SLC71A2: variants seen among roughly 807,000 people sequenced by gnomAD.
SLC71A2 encodes the protein hippocampus abundant transcript-like 1.
the SLC71A2 span, among the ~76,000 whole-genome samples, chr9:94,427,732 TGG>T: frequency 6.8e-6 from 1 of 147,612 alleles, no homozygotes; most frequent in African/African-American, 2.5e-5. Context: ...AGGAAGCCTG[TGG>T]GGAAAGGGAG....
the SLC71A2 span, among the ~76,000 whole-genome samples, chr9:94,427,164 A>T: frequency 6.6e-6 from 1 of 152,230 alleles, no homozygotes; most frequent in South Asian, 2.1e-4. Flanking sequence ...TTTAAACTTT[A>T]TCATAAGCCT....
the SLC71A2 span, among the ~76,000 whole-genome samples, chr9:94,453,681 C>T: frequency 6.6e-6 from 1 of 152,262 alleles, no homozygotes; most frequent in East Asian, 1.9e-4. Context: ...AACTGGTGAA[C>T]AGTTGTGATA....
chr9:94,411,037 T>C, the SLC71A2 span, among the ~76,000 whole-genome samples: 3 of 152,194 alleles, frequency 2.0e-5, no homozygotes, highest in Non-Finnish European at 2.9e-5. Context: ...CATGAGCCAC[T>C]GCACCTGGCA....
the SLC71A2 span, among the ~76,000 whole-genome samples, chr9:94,385,441 T>G: frequency 6.6e-6 from 1 of 152,230 alleles, no homozygotes; most frequent in African/African-American, 2.4e-5. Context: ...TTTTCTAGTG[T>G]TTTTAGCGTC....
At chr9:94,375,391 C>G in the SLC71A2 span, among the ~76,000 whole-genome samples, 1 of 151,598 alleles carries the variant, frequency 6.6e-6, no homozygotes, top group Non-Finnish European at 1.5e-5. Context: ...AGCAGAGTTT[C>G]CAGGGGCGTT....
At chr9:94,414,552 T>C in the SLC71A2 span, among the ~76,000 whole-genome samples, 1 of 152,132 alleles carries the variant, frequency 6.6e-6, no homozygotes, top group Non-Finnish European at 1.5e-5. Context: ...AACACGTAAT[T>C]CGTAAGGGAC....
chr9:94,380,397 G>GAAT, the SLC71A2 span, among the ~76,000 whole-genome samples: 3 of 142,588 alleles, frequency 2.1e-5, no homozygotes, highest in Non-Finnish European at 4.5e-5. Flanking sequence ...ATATGCTATG[G>GAAT]AGAAAGAGGT....
chr9:94,438,961 T>C, the SLC71A2 span, among the ~76,000 whole-genome samples: 1 of 152,002 alleles, frequency 6.6e-6, no homozygotes, highest in Non-Finnish European at 1.5e-5. Context: ...CGGGAGTCAC[T>C]TTAAAATATA....
the SLC71A2 span, among the ~76,000 whole-genome samples, chr9:94,431,803 C>T: frequency 6.6e-6 from 1 of 152,146 alleles, no homozygotes. Context: ...TGACTGCTCT[C>T]CCCACCAGCA....
At chr9:94,456,242 T>C in the SLC71A2 span, 6 of 1,613,394 alleles carry the variant, frequency 3.7e-6, no homozygotes, top group East Asian at 1.3e-4. Context: ...CATTGCAGGA[T>C]GATGTGGGCA....
chr9:94,435,379 C>A, the SLC71A2 span, among the ~76,000 whole-genome samples: 1 of 152,182 alleles, frequency 6.6e-6, no homozygotes, highest in Non-Finnish European at 1.5e-5. Flanking sequence ...TGTCCTTGTT[C>A]CTTGCTAAAG....
the SLC71A2 span, among the ~76,000 whole-genome samples, chr9:94,383,353 G>A: frequency 1.3e-5 from 2 of 151,964 alleles, no homozygotes; most frequent in Non-Finnish European, 2.9e-5. Context: ...AATAGAGACA[G>A]GGTTTTACCA....
At chr9:94,459,169 C>A in the SLC71A2 span, 1 of 1,613,266 alleles carries the variant, frequency 6.2e-7, no homozygotes, top group South Asian at 1.1e-5. Flanking sequence ...AGGGAGCTGT[C>A]ATCCCAGGCC....
the SLC71A2 span, among the ~76,000 whole-genome samples, chr9:94,391,069 G>C: frequency 2.0e-5 from 3 of 151,964 alleles, 1 homozygote; most frequent in South Asian, 6.2e-4. Flanking sequence ...TTCTGGACCA[G>C]GGTCTTGACC....
chr9:94,395,180 C>G, the SLC71A2 span, among the ~76,000 whole-genome samples: 1 of 149,636 alleles, frequency 6.7e-6, no homozygotes, highest in African/African-American at 2.5e-5. Context: ...TCCCAAAGTG[C>G]TGGGATTACG....
chr9:94,385,451 C>A, the SLC71A2 span, among the ~76,000 whole-genome samples: 4 of 152,156 alleles, frequency 2.6e-5, no homozygotes, highest in African/African-American at 9.7e-5. Flanking sequence ...TTTTTAGCGT[C>A]ATATATAAGA....
At chr9:94,424,245 A>C in the SLC71A2 span, among the ~76,000 whole-genome samples, 4,852 of 150,138 alleles carry the variant, frequency 0.032, 282 homozygotes, top group African/African-American at 0.11. Context: ...TTTTTGGCGG[A>C]GGGGGGAGCA....
the SLC71A2 span, chr9:94,454,110 A>G: frequency 2.8e-6 from 4 of 1,415,458 alleles, no homozygotes; most frequent in Non-Finnish European, 4.0e-6. Flanking sequence ...TGCCAGACAG[A>G]TGCCTCTTAG....
the SLC71A2 span, chr9:94,458,223 C>A: frequency 9.7e-7 from 1 of 1,026,904 alleles, no homozygotes; most frequent in Non-Finnish European, 1.4e-6. Flanking sequence ...TCAGTCTTGC[C>A]GAATTAGTGT....
Sources: gnomAD v4.1 joint callset for allele counts (sites outside exome capture counted in the v4.1 genomes callset) on GRCh38, gnomAD v4.1.1 for gene constraint, MANE v1.5 for transcripts, NCBI Gene and HGNC (gene_info 2026-07-23, HGNC 2026-07-21) for gene names.